TJAP1: variants seen among roughly 807,000 people sequenced by gnomAD.
The protein encoded by TJAP1 is tight junction-associated protein 1.
TJAP1 carries 27 observed loss-of-function variants against 42.0 expected under a neutral mutation model. That is an observed-to-expected ratio of 0.64 (90% CI 0.47 to 0.89). The LOEUF (loss-of-function observed/expected upper bound fraction) is 0.89. Among genes scored for constraint, TJAP1 ranks in the 40% least tolerant of loss-of-function variants. TJAP1 has a pLI of 0.00. For synonymous variants in TJAP1, 257 were observed against 288.4 expected, an observed-to-expected ratio of 0.89 and a Z score of 1.10; for missense variants, 712 against 726.9, an observed-to-expected ratio of 0.98 and a Z score of 0.24.
At chr6:43,503,247 G>T in intron 8 of TJAP1, 154 bp from the exon 9 acceptor site, 1 of 631,472 alleles carries the variant, frequency 1.6e-6, no homozygotes. Context: ...GAGATGCCCA[G>T]TCTCCTTCTG....
At chr6:43,499,306 A>G (rs1475300054) in intron 4 of TJAP1, among the ~76,000 whole-genome samples, 1 of 152,202 alleles carries the variant, frequency 6.6e-6, no homozygotes, top group Non-Finnish European at 1.5e-5. Context: ...ATATGTCCAC[A>G]TGTCAGGGAA....
chr6:43,483,455 G>A (rs66726175), intron 2 of TJAP1, among the ~76,000 whole-genome samples: 10,776 of 152,218 alleles, frequency 0.071, 1,196 homozygotes, highest in East Asian at 0.53. Flanking sequence ...AGAAGCCTCC[G>A]CTGCTTTTCT....
rs1433576355 is a variant in TJAP1 at position 43,505,899 on chromosome 6, G to A, written c.*44G>A. The A allele has an allele frequency of 1.4e-6, 2 of 1,429,578 alleles. No individual in the cohort carries two copies. The highest frequency in any genetic ancestry group is 1.8e-6 in the Non-Finnish European group (2 of 1,095,980). 88.6% of individuals were successfully genotyped at this position (1,429,578 alleles called of 1,614,324 possible). A position where few individuals can be genotyped will look rare whatever the true frequency, so the allele number is the denominator to read the frequency against. On this transcript the variant is annotated 3_prime_UTR_variant, in exon 11 of 11. Coordinates refer to ENST00000372449, the Ensembl canonical transcript of TJAP1. This position sits in a 1 kb window ranked among gnomAD's most constrained non-coding sequence, Gnocchi z 5.5. ...TGCCATTGCTGCACCAGGACTGCAA[G>A]GAGTCCCCACACCTTGGCAGCTCAG...
intron 5 of TJAP1, 111 bp from the exon 6 acceptor site, chr6:43,501,415 G>A: frequency 2.1e-6 from 2 of 952,414 alleles, no homozygotes; most frequent in South Asian, 1.6e-5. Flanking sequence ...TCCCTGTCCT[G>A]TTTGCCTGTC....
In TJAP1 at chr6:43,492,581, C is replaced by T. The variant is rs983986012; in HGVS notation, c.-121-5300C>T. Among the ~76,000 whole-genome samples, 2 of 152,140 alleles carry T rather than the reference C, an allele frequency of 1.3e-5. No individual in the cohort carries two copies. The highest frequency in any genetic ancestry group is 4.8e-5 in the African/African-American group (2 of 41,426). On this transcript the variant is annotated intron_variant, in intron 2 of 10. Coordinates refer to ENST00000372449, the Ensembl canonical transcript of TJAP1. This position sits in a 1 kb window ranked among gnomAD's most constrained non-coding sequence, Gnocchi z 4.2. ...GGCTGGTGGCAAGCAGGAGGGGTAC[C>T]CCGGAGACGATGTGGGCGAGGCCGA...
At chr6:43,498,833 C>T in intron 3 of TJAP1, 145 bp from the exon 4 acceptor site, 1 of 790,742 alleles carries the variant, frequency 1.3e-6, no homozygotes, top group South Asian at 1.7e-5. Context: ...AAGTCCTGCC[C>T]CTCTAGTGAC....
At chr6:43,485,710 A>G (rs1358763002) in intron 2 of TJAP1, among the ~76,000 whole-genome samples, 1 of 152,184 alleles carries the variant, frequency 6.6e-6, no homozygotes, top group Non-Finnish European at 1.5e-5. Flanking sequence ...CTGAAGGCCA[A>G]GCATTTAGGC....
Position 43,495,294 on chromosome 6 carries a change from CT to C in TJAP1, c.-121-2584del, listed in dbSNP as rs1788862741. On this transcript the variant is annotated intron_variant, in intron 2 of 10. Transcript: ENST00000372449. The surrounding 1 kb of genome is among the most constrained non-coding windows in gnomAD (Gnocchi z 4.6). The stretch of plus-strand genomic sequence containing the variant: ...ACTGTCCTCCTTGGGTCTGTCCGGA[CT>C]TTCCCTGCACACCTTCCTTGCCTCC... Among the ~76,000 whole-genome samples, 1 of 152,240 alleles carries C rather than the reference CT, an allele frequency of 6.6e-6. No homozygotes were observed. Among genetic ancestry groups the C allele is most frequent in the Admixed American group, 6.5e-5 (1 of 15,290 alleles).
chr6:43,485,369 A>T (rs1483351664), intron 2 of TJAP1, among the ~76,000 whole-genome samples: 2 of 152,198 alleles, frequency 1.3e-5, no homozygotes, highest in Non-Finnish European at 2.9e-5. Context: ...ATCATGATCC[A>T]TTCTTTGCTT....
rs1792015241 is a variant in TJAP1 at position 43,505,148 on chromosome 6, C to T, written c.967C>T (p.His323Tyr). ...CCCCTACCCAACCCCGTCTCCACCA[C>T]ACCCACTGTATCCTGGCCGCAGGGT... Residue 323 changes from histidine (H) to tyrosine (Y), a missense_variant, in exon 11 of 11, where the codon CAC becomes TAC. This residue lies in a region of TJAP1 where 549 missense variants were observed against 528.2 expected (regional missense o/e 1.04). Coordinates refer to ENST00000372449, the Ensembl canonical transcript of TJAP1. The surrounding 1 kb of genome is among the most constrained non-coding windows in gnomAD (Gnocchi z 5.5). 1.2e-6 allele frequency: 2 copies of T among 1,614,126 alleles called. No homozygotes were observed. The highest frequency in any genetic ancestry group is 2.2e-5 in the South Asian group (2 of 91,094).
intron 10 of TJAP1, 190 bp downstream of exon 10, chr6:43,503,896 A>G (rs1187449258): frequency 1.1e-5 from 8 of 715,746 alleles, no homozygotes; most frequent in African/African-American, 1.7e-5. Flanking sequence ...AGGGCCCATC[A>G]CTAGTTCTGG....
At chr6:43,487,187 CTT>C (rs1435293703) in intron 2 of TJAP1, among the ~76,000 whole-genome samples, 3 of 152,178 alleles carry the variant, frequency 2.0e-5, no homozygotes, top group Non-Finnish European at 4.4e-5. Context: ...CATGGCCCCT[CTT>C]TGTGAGAAGC....
chr6:43,504,744 C>T lies in TJAP1; in HGVS notation c.580-17C>T. ...CTGCGATCATTGATGTCTCTCTTTC[C>T]TGCTCTTTTACCTCAGCTGCCCTGT... On this transcript the variant is annotated splice_polypyrimidine_tract_variant and intron_variant, in intron 10 of 10. Transcript: ENST00000372449. 7 of 1,603,546 alleles carry T rather than the reference C, an allele frequency of 4.4e-6. No individual in the cohort carries two copies. Among genetic ancestry groups the T allele is most frequent in the Non-Finnish European group, 5.1e-6 (6 of 1,172,504 alleles).
At chr6:43,481,018 T>G (rs1313858570) in intron 2 of TJAP1, among the ~76,000 whole-genome samples, 1 of 152,188 alleles carries the variant, frequency 6.6e-6, no homozygotes. Context: ...TTAACTTAAA[T>G]ATGCGTAGTG....
Position 43,503,722 on chromosome 6 carries a change from C to G in TJAP1, c.579+16C>G. 6.2e-7 allele frequency: 1 copy of G among 1,607,272 alleles called. No homozygotes were observed. The highest frequency in any genetic ancestry group is 8.5e-7 in the Non-Finnish European group (1 of 1,173,780). On this transcript the variant is annotated intron_variant, in intron 10 of 10. Coordinates refer to ENST00000372449, the Ensembl canonical transcript of TJAP1. ...GTTTGCCGATGTGAGTAGAACTCAC[C>G]CCCTCCCTGCCCACATAGACCATTC...
At chr6:43,504,224 C>T (rs982530471) in intron 10 of TJAP1, 3 of 231,790 alleles carry the variant, frequency 1.3e-5, no homozygotes, top group African/African-American at 4.6e-5. Flanking sequence ...AAGCAATTCT[C>T]CTGCTTCAGC....
At chr6:43,502,076 A>ACTCTCTCTCTCTCT (rs529451483) in intron 6 of TJAP1, among the ~76,000 whole-genome samples, 2 of 68,956 alleles carry the variant, frequency 2.9e-5, no homozygotes, top group East Asian at 3.7e-4. Flanking sequence ...ACACACACAC[A>ACTCTCTCTCTCTCT]CTCTCTCTCT....
intron 2 of TJAP1, chr6:43,489,682 TG>T (rs1050803235): frequency 2.0e-5 from 3 of 152,204 alleles, no homozygotes; most frequent in Non-Finnish European, 4.4e-5. Flanking sequence ...CTCTTTCTGT[TG>T]ACCAACCAGA....
At chr6:43,506,532 CAAAT>C (rs919355559) in exon 11 of TJAP1, 3 of 152,720 alleles carry the variant, frequency 2.0e-5, no homozygotes, top group African/African-American at 4.8e-5. Context: ...ATTTTAAAAT[CAAAT>C]AAAACTATTT....
Sources: gnomAD v4.1 joint callset for allele counts (sites outside exome capture counted in the v4.1 genomes callset) on GRCh38, gnomAD v4.1.1 for gene constraint, gnomAD v4.1.1 regional missense constraint, Gnocchi (gnomAD v3.1) non-coding constraint, MANE v1.5 for transcripts, NCBI Gene and HGNC (gene_info 2026-07-23, HGNC 2026-07-21) for gene names.